The following GRM7 variants were observed in gnomAD, a reference collection of about 807,000 sequenced individuals.
GRM7 encodes the protein metabotropic glutamate receptor 7.
In GRM7, 35 loss-of-function variants were observed where a neutral mutation model predicts 84.5. That is an observed-to-expected ratio of 0.41 (90% CI 0.32 to 0.55). GRM7 has a LOEUF of 0.55. GRM7 is among the 20% of genes least tolerant of loss of function. The pLI, the probability that GRM7 is intolerant of heterozygous loss-of-function variation, is 0.19. For synonymous variants in GRM7, 487 were observed against 455.1 expected (o/e 1.07, Z -0.89); for missense variants, 1,003 against 1,194.6 (o/e 0.84, Z 2.36).
At chr3:6,968,531 G>A (rs1234514070) in intron 1 of GRM7, among the ~76,000 whole-genome samples, 1 of 152,054 alleles carries the variant, frequency 6.6e-6, no homozygotes, top group Non-Finnish European at 1.5e-5. Context: ...AGAATGAAGT[G>A]GGATCATTTA....
At chr3:7,193,111 C>A (rs1199429193) in intron 2 of GRM7, among the ~76,000 whole-genome samples, 1 of 152,046 alleles carries the variant, frequency 6.6e-6, no homozygotes, top group Non-Finnish European at 1.5e-5. Flanking sequence ...ACTCATAATT[C>A]CTATACCAGT....
intron 8 of GRM7, among the ~76,000 whole-genome samples, chr3:7,661,973 A>C (rs999272333): frequency 6.6e-6 from 1 of 152,078 alleles, no homozygotes; most frequent in Non-Finnish European, 1.5e-5. Flanking sequence ...TATTAGTGAC[A>C]GTAGTTGCCA....
At chr3:7,440,955 A>G (rs1358347114) in intron 5 of GRM7, among the ~76,000 whole-genome samples, 1 of 152,168 alleles carries the variant, frequency 6.6e-6, no homozygotes, top group Non-Finnish European at 1.5e-5. Context: ...TGCCATGAAC[A>G]TGTGTGTGCA....
chr3:7,117,090 G>C (rs910403504), intron 1 of GRM7, among the ~76,000 whole-genome samples: 9 of 152,198 alleles, frequency 5.9e-5, no homozygotes, highest in African/African-American at 2.2e-4. Context: ...CCAAGTAAAG[G>C]GGTTAGCTCC....
rs73812014 is a variant in GRM7 at position 7,005,284 on chromosome 3, G to A, written c.520-141168G>A. ...TGCTCATAGCTGGATGTGGCCATCC[G>A]GGGACTCTGGCCAATTAGGCATTGG... is the stretch of plus-strand genomic sequence containing the variant. On this transcript the variant is annotated intron_variant, in intron 1 of 9. Coordinates refer to ENST00000357716, the MANE Select transcript of GRM7 (RefSeq NM_000844.4). Among the ~76,000 whole-genome samples, 873 of 152,286 alleles carry A rather than the reference G, an allele frequency of 5.7e-3. 6 individuals are homozygous for A. The highest frequency in any genetic ancestry group is 0.019 in the African/African-American group (802 of 41,558).
At chr3:7,640,534 A>G (rs1698318950) in intron 8 of GRM7, among the ~76,000 whole-genome samples, 1 of 152,220 alleles carries the variant, frequency 6.6e-6, no homozygotes, top group African/African-American at 2.4e-5. Context: ...TAATAATGGA[A>G]TGTGATCCAT....
At chr3:7,491,360 G>C (rs886342065) in intron 7 of GRM7, among the ~76,000 whole-genome samples, 2 of 151,682 alleles carry the variant, frequency 1.3e-5, no homozygotes, top group African/African-American at 2.4e-5. Flanking sequence ...CATTTATCTA[G>C]TTCTTATAGT....
At chr3:6,899,249 A>G (rs1006403745) in intron 1 of GRM7, among the ~76,000 whole-genome samples, 2 of 152,146 alleles carry the variant, frequency 1.3e-5, no homozygotes, top group African/African-American at 4.8e-5. Flanking sequence ...TATAGGGAAG[A>G]CCCAATTGAT....
intron 4 of GRM7, among the ~76,000 whole-genome samples, chr3:7,362,099 A>G (rs546658120): frequency 4.4e-4 from 67 of 152,230 alleles, no homozygotes; most frequent in African/African-American, 1.5e-3. Context: ...TGGGAAATGA[A>G]AAGTGGAAAC....
intron 8 of GRM7, among the ~76,000 whole-genome samples, chr3:7,613,278 C>G (rs772785857): frequency 1.3e-5 from 2 of 152,170 alleles, no homozygotes; most frequent in Non-Finnish European, 2.9e-5. Flanking sequence ...AGATTTCCCT[C>G]CATAGCTGTT....
At chr3:7,135,147 G>A (rs1693731137) in intron 1 of GRM7, among the ~76,000 whole-genome samples, 1 of 152,172 alleles carries the variant, frequency 6.6e-6, no homozygotes, top group African/African-American at 2.4e-5. Context: ...TCTCTCAGTA[G>A]TTTGGAATAA....
intron 2 of GRM7, among the ~76,000 whole-genome samples, chr3:7,228,561 G>A (rs1412184471): frequency 6.6e-6 from 1 of 152,142 alleles, no homozygotes; most frequent in African/African-American, 2.4e-5. Context: ...TAGAGAAAGA[G>A]TGAATGATTA....
At chr3:7,312,961 C>T (rs1267883007) in intron 4 of GRM7, among the ~76,000 whole-genome samples, 1 of 137,490 alleles carries the variant, frequency 7.3e-6, no homozygotes, top group Non-Finnish European at 1.5e-5. Flanking sequence ...TTTTATCTCA[C>T]TCTGTCACCC....
intron 8 of GRM7, among the ~76,000 whole-genome samples, chr3:7,600,118 T>C (rs1265829646): frequency 6.6e-6 from 1 of 152,070 alleles, no homozygotes; most frequent in Non-Finnish European, 1.5e-5. Flanking sequence ...CATAGCTAAA[T>C]TGTTCAAAAG....
intron 4 of GRM7, among the ~76,000 whole-genome samples, chr3:7,320,719 T>C (rs191288841): frequency 4.0e-5 from 6 of 151,232 alleles, no homozygotes; most frequent in African/African-American, 9.7e-5. Context: ...TGTGTGTGTG[T>C]GCAACTTCTT....
At chr3:7,037,409 C>G (rs1696425675) in intron 1 of GRM7, among the ~76,000 whole-genome samples, 1 of 152,130 alleles carries the variant, frequency 6.6e-6, no homozygotes, top group Non-Finnish European at 1.5e-5. Flanking sequence ...GGACACAGTA[C>G]TTAATCTGCT....
intron 2 of GRM7, among the ~76,000 whole-genome samples, chr3:7,223,642 C>T (rs1280724691): frequency 6.6e-6 from 1 of 152,130 alleles, no homozygotes; most frequent in Non-Finnish European, 1.5e-5. Context: ...ATGTGAGAGT[C>T]TACCCTTGGC....
chr3:7,680,331 T>TTCTAGA, intron 9 of GRM7, 36 bp downstream of exon 9: 24 of 1,607,470 alleles, frequency 1.5e-5, no homozygotes, highest in Non-Finnish European at 2.0e-5. Flanking sequence ...CTTCCCACCC[T>TTCTAGA]GCATCAGGAA....
At chr3:7,325,229 G>C (rs1292036455) in intron 4 of GRM7, among the ~76,000 whole-genome samples, 1 of 152,218 alleles carries the variant, frequency 6.6e-6, no homozygotes, top group Non-Finnish European at 1.5e-5. Flanking sequence ...ACCATGCTAA[G>C]TGAGGTGAGG....
Sources: gnomAD v4.1 joint callset for allele counts (sites outside exome capture counted in the v4.1 genomes callset) on GRCh38, gnomAD v4.1.1 for gene constraint, MANE v1.5 for transcripts, NCBI Gene and HGNC (gene_info 2026-07-23, HGNC 2026-07-21) for gene names.